The following RASSF8 variants were observed in gnomAD, a reference collection of about 807,000 sequenced individuals.
RASSF8 encodes ras association domain-containing protein 8.
Under a neutral mutation model 48.5 loss-of-function variants are expected in RASSF8, and 22 were observed. That is an observed-to-expected ratio of 0.45 (90% CI 0.32 to 0.65). The LOEUF (loss-of-function observed/expected upper bound fraction) is 0.65. Among genes scored for constraint, RASSF8 ranks in the 30% least tolerant of loss-of-function variants. The probability of loss-of-function intolerance (pLI) is 0.03; values close to 1 mark genes in which losing one functional copy is unlikely to be tolerated. For synonymous variants in RASSF8, 127 were observed against 171.5 expected (o/e 0.74, Z 2.03); for missense variants, 418 against 489.2 (o/e 0.85, Z 1.37).
At chr12:26,046,214 T>C (rs547596919) in intron 2 of RASSF8, among the ~76,000 whole-genome samples, 36 of 152,370 alleles carry the variant, frequency 2.4e-4, no homozygotes, top group Non-Finnish European at 4.1e-4. Flanking sequence ...TTTAGTAGTG[T>C]TGGAAATTAT....
At position 26,070,816 on chromosome 12, in the gene RASSF8, T is replaced by G; in HGVS notation, c.*1998T>G. 1 of 983,368 alleles carries G rather than the reference T, an allele frequency of 1.0e-6. No individual in the cohort carries two copies. The allele number at this position is 983,368 out of a possible 1,614,324, so 60.9% of individuals were successfully genotyped here. A position where few individuals can be genotyped will look rare whatever the true frequency, so the allele number is the denominator to read the frequency against. On this transcript the variant is annotated 3_prime_UTR_variant, in exon 6 of 6. Coordinates refer to ENST00000689635, the MANE Select transcript of RASSF8 (RefSeq NM_001394098.1). Reference sequence around the variant, plus strand: ...TCAAAATGTTAAACTGGAGGCAGTATTAAACTTTGCAATTAGGAGTTTCAG... The same window carrying G: ...TCAAAATGTTAAACTGGAGGCAGTAGTAAACTTTGCAATTAGGAGTTTCAG...
At chr12:26,029,424 C>G (rs1239741170) in intron 2 of RASSF8, among the ~76,000 whole-genome samples, 1 of 152,204 alleles carries the variant, frequency 6.6e-6, no homozygotes, top group Non-Finnish European at 1.5e-5. Flanking sequence ...GTGGCTAAAA[C>G]CATAAGCCCC....
intron 1 of RASSF8, among the ~76,000 whole-genome samples, chr12:25,983,158 A>G (rs1300779157): frequency 6.6e-6 from 1 of 152,250 alleles, no homozygotes; most frequent in Non-Finnish European, 1.5e-5. Context: ...CAGATATTAT[A>G]GTTGTCAGAA....
chr12:26,013,937 A>G (rs954497722), intron 2 of RASSF8, among the ~76,000 whole-genome samples: 1 of 152,186 alleles, frequency 6.6e-6, no homozygotes, highest in Non-Finnish European at 1.5e-5. Flanking sequence ...TTTTGTAACC[A>G]TTATTTTTCT....
intron 1 of RASSF8, among the ~76,000 whole-genome samples, chr12:25,976,109 T>C (rs1941598513): frequency 6.6e-6 from 1 of 152,166 alleles, no homozygotes; most frequent in South Asian, 2.1e-4. Flanking sequence ...GGCAGGAGAA[T>C]AGGGTCTGGA....
chr12:25,996,293 T>C (rs372339819), intron 2 of RASSF8, among the ~76,000 whole-genome samples: 2 of 152,214 alleles, frequency 1.3e-5, no homozygotes, highest in East Asian at 3.8e-4. Flanking sequence ...AAAAAAGTAA[T>C]GTGCTATGTA....
intron 1 of RASSF8, among the ~76,000 whole-genome samples, chr12:25,971,545 G>A (rs978552105): frequency 2.0e-5 from 3 of 151,800 alleles, no homozygotes; most frequent in Non-Finnish European, 4.4e-5. Flanking sequence ...CCCTCCAGGA[G>A]TCTTCCTAGT....
At chr12:25,976,881 A>G (rs1427904836) in intron 1 of RASSF8, among the ~76,000 whole-genome samples, 1 of 152,168 alleles carries the variant, frequency 6.6e-6, no homozygotes, top group African/African-American at 2.4e-5. Context: ...CTAACACCAC[A>G]TGCTTGGGAC....
chr12:25,980,250 G>T (rs184472028), intron 1 of RASSF8, among the ~76,000 whole-genome samples: 1 of 152,258 alleles, frequency 6.6e-6, no homozygotes, highest in Non-Finnish European at 1.5e-5. Flanking sequence ...CCATTATACT[G>T]TAATACTCAT....
chr12:25,998,482 T>A (rs1422145884), intron 2 of RASSF8, among the ~76,000 whole-genome samples: 1 of 151,998 alleles, frequency 6.6e-6, no homozygotes, highest in Non-Finnish European at 1.5e-5. Flanking sequence ...CTGGAGTAGC[T>A]GGGATTACAG....
rs1019036584 is a variant in RASSF8, at chr12:26,011,067, C to T, written c.-109+15937C>T. On this transcript the variant is annotated intron_variant, in intron 2 of 5. Coordinates refer to ENST00000689635, the MANE Select transcript of RASSF8 (RefSeq NM_001394098.1). ...CCCAGTGCAGATCTAAAAGCATTCT[C>T]CTGAGGCCATCTGAGGAATTGTCCA... Among the ~76,000 whole-genome samples, 5 of 152,182 alleles carry T rather than the reference C, an allele frequency of 3.3e-5. No homozygotes were observed. The South Asian group carries it at 1.0e-3, about 32-fold the overall frequency.
chr12:25,975,047 A>T (rs563649872), intron 1 of RASSF8, among the ~76,000 whole-genome samples: 1 of 152,320 alleles, frequency 6.6e-6, no homozygotes, highest in South Asian at 2.1e-4. Context: ...GTGGGTTCCC[A>T]GGGTGGGGTT....
chr12:26,046,652 A>T (rs1308440276), intron 2 of RASSF8, among the ~76,000 whole-genome samples: 1 of 143,918 alleles, frequency 6.9e-6, no homozygotes. Context: ...GCTGGGCAAC[A>T]TAAGGAGACC....
At chr12:26,029,608 T>C in intron 2 of RASSF8, among the ~76,000 whole-genome samples, 1 of 152,246 alleles carries the variant, frequency 6.6e-6, no homozygotes, top group East Asian at 1.9e-4. Flanking sequence ...TCTGTACTCA[T>C]GATTGGCCTT....
At chr12:26,005,955 A>G (rs978346548) in intron 2 of RASSF8, among the ~76,000 whole-genome samples, 10 of 152,166 alleles carry the variant, frequency 6.6e-5, no homozygotes, top group African/African-American at 2.2e-4. Context: ...TTTGTCATCT[A>G]CTTCAATGTG....
At chr12:26,035,763 C>T (rs1476990670) in intron 2 of RASSF8, among the ~76,000 whole-genome samples, 12 of 142,640 alleles carry the variant, frequency 8.4e-5, no homozygotes, top group Non-Finnish European at 1.7e-4. Flanking sequence ...ATACATATAT[C>T]ACTATATATC....
chr12:25,993,156 T>C (rs1942055057), intron 1 of RASSF8, among the ~76,000 whole-genome samples: 1 of 152,160 alleles, frequency 6.6e-6, no homozygotes, highest in Admixed American at 6.5e-5. Context: ...CTGCCCCCGC[T>C]CCCTGCACCG....
intron 2 of RASSF8, among the ~76,000 whole-genome samples, chr12:26,018,156 C>T (rs1942696151): frequency 6.6e-6 from 1 of 152,086 alleles, no homozygotes; most frequent in Non-Finnish European, 1.5e-5. Context: ...ACTATAAACA[C>T]CAGTTTTTGT....
chr12:25,976,325 G>A (rs1044687433), intron 1 of RASSF8, among the ~76,000 whole-genome samples: 3 of 152,228 alleles, frequency 2.0e-5, no homozygotes, highest in African/African-American at 2.4e-5. Context: ...CTGAGTGCAG[G>A]TGGAGTCTTC....
Sources: gnomAD v4.1 joint callset for allele counts (sites outside exome capture counted in the v4.1 genomes callset) on GRCh38, gnomAD v4.1.1 for gene constraint, MANE v1.5 for transcripts, NCBI Gene and HGNC (gene_info 2026-07-23, HGNC 2026-07-21) for gene names.